The following SEMA6D variants were observed in gnomAD, a reference collection of about 807,000 sequenced individuals.
SEMA6D encodes semaphorin-6D.
Under a neutral mutation model 106.6 loss-of-function variants are expected in SEMA6D, and 35 were observed. That is an observed-to-expected ratio of 0.33 (90% CI 0.25 to 0.44). The LOEUF is 0.44. Ranked by LOEUF, SEMA6D falls within the 20% of genes least tolerant of loss-of-function variation. The pLI is 1.00. For synonymous variants in SEMA6D, 499 were observed against 487.7 expected, an observed-to-expected ratio of 1.02 and a Z score of -0.31; for missense variants, 1,185 against 1,345.9, an observed-to-expected ratio of 0.88 and a Z score of 1.87.
At chr15:47,290,921 C>T (rs1452796129) in intron 1 of SEMA6D, among the ~76,000 whole-genome samples, 3 of 152,152 alleles carry the variant, frequency 2.0e-5, no homozygotes, top group Non-Finnish European at 4.4e-5. Flanking sequence ...AATTCAGGTT[C>T]CTCTACAAAG....
chr15:47,198,293 T>C lies in SEMA6D; in HGVS notation c.-239+13875T>C, dbSNP rs572594458. ...TGGTGACGATAGTTAATATACTGAA[T>C]TCTTGAAAATTGCTGTGGGCGGATT... On this transcript the variant is annotated intron_variant, in intron 1 of 19. Coordinates refer to the SEMA6D transcript ENST00000558014. Among the ~76,000 whole-genome samples the C allele has an allele frequency of 1.6e-4, 25 of 152,262 alleles. 1 individual carries two copies. In the South Asian group the frequency reaches 5.0e-3, roughly 30 times the overall value.
chr15:47,485,165 A>G (rs1042894587), intron 3 of SEMA6D, among the ~76,000 whole-genome samples: 1 of 152,218 alleles, frequency 6.6e-6, no homozygotes, highest in Non-Finnish European at 1.5e-5. Flanking sequence ...TTGTGTCACT[A>G]TGACTAAACG....
chr15:47,258,268 T>C (rs2033907435), intron 1 of SEMA6D, among the ~76,000 whole-genome samples: 1 of 152,224 alleles, frequency 6.6e-6, no homozygotes, highest in South Asian at 2.1e-4. Context: ...ATTATTAATA[T>C]GTTAGAACCG....
chr15:47,229,365 G>A (rs1285090992), intron 1 of SEMA6D, among the ~76,000 whole-genome samples: 1 of 151,914 alleles, frequency 6.6e-6, no homozygotes, highest in Admixed American at 6.6e-5. Flanking sequence ...GGTGTGCTAT[G>A]CTTTTAGGTC....
At chr15:47,247,647 C>G (rs1488273192) in intron 1 of SEMA6D, among the ~76,000 whole-genome samples, 1 of 152,174 alleles carries the variant, frequency 6.6e-6, no homozygotes, top group African/African-American at 2.4e-5. Flanking sequence ...TTCTATAAAT[C>G]CATGAATACT....
At chr15:47,591,540 G>C (rs1006009942) in intron 3 of SEMA6D, among the ~76,000 whole-genome samples, 1 of 152,142 alleles carries the variant, frequency 6.6e-6, no homozygotes, top group Admixed American at 6.5e-5. Context: ...TTCCCCCAGA[G>C]CAAGTGTTCC....
intron 3 of SEMA6D, among the ~76,000 whole-genome samples, chr15:47,507,905 G>A (rs747973817): frequency 6.6e-6 from 1 of 152,106 alleles, no homozygotes; most frequent in Non-Finnish European, 1.5e-5. Flanking sequence ...AAGTACCTTC[G>A]GGCTACAGAT....
chr15:47,285,998 C>T (rs1336569994), intron 1 of SEMA6D, among the ~76,000 whole-genome samples: 1 of 152,144 alleles, frequency 6.6e-6, no homozygotes, highest in Non-Finnish European at 1.5e-5. Flanking sequence ...TAAGAACAAC[C>T]AAGCTAGGCT....
rs115841293 is a variant in SEMA6D at position 47,694,937 on chromosome 15, G to A, written c.-54-64808G>A. On this transcript the variant is annotated intron_variant, in intron 4 of 19. Transcript: ENST00000558014. ...TATGCTGGTACCAAGGAGAGGATCCGAAGCCCTGAACACCATAGGCATGTG... is the reference window on the plus strand; with the variant it reads ...TATGCTGGTACCAAGGAGAGGATCCAAAGCCCTGAACACCATAGGCATGTG... Among the ~76,000 whole-genome samples the A allele has an allele frequency of 6.6e-3, 1,007 of 152,248 alleles. 5 individuals carry two copies. The highest frequency in any genetic ancestry group is 0.023 in the African/African-American group (967 of 41,560).
upstream of SEMA6D, among the ~76,000 whole-genome samples, chr15:47,713,469 A>G (rs1439335): frequency 0.013 from 2,050 of 152,332 alleles, 41 homozygotes; most frequent in African/African-American, 0.044. Flanking sequence ...AGCTGTGCCT[A>G]TGCAGATGCC....
intron 4 of SEMA6D, among the ~76,000 whole-genome samples, chr15:47,703,111 C>T (rs1327871938): frequency 6.6e-6 from 1 of 152,126 alleles, no homozygotes; most frequent in Admixed American, 6.6e-5. Flanking sequence ...TTTCAAATTT[C>T]CACGTACGAC....
At chr15:47,261,171 C>A (rs563799880) in intron 1 of SEMA6D, among the ~76,000 whole-genome samples, 1 of 152,168 alleles carries the variant, frequency 6.6e-6, no homozygotes, top group African/African-American at 2.4e-5. Flanking sequence ...TTTTACTAAC[C>A]GAGTTTTGCC....
intron 1 of SEMA6D, among the ~76,000 whole-genome samples, chr15:47,298,670 G>A (rs967207682): frequency 5.9e-5 from 9 of 152,144 alleles, no homozygotes; most frequent in African/African-American, 2.2e-4. Context: ...GGTGGTGAGA[G>A]TGCCAGTTTA....
chr15:47,193,464 C>G (rs1894106008), intron 1 of SEMA6D, among the ~76,000 whole-genome samples: 1 of 152,098 alleles, frequency 6.6e-6, no homozygotes, highest in Admixed American at 6.5e-5. Flanking sequence ...ATCTGAAACA[C>G]TTGTAATCTC....
intron 1 of SEMA6D, among the ~76,000 whole-genome samples, chr15:47,410,719 C>G (rs2040764398): frequency 6.6e-6 from 1 of 152,120 alleles, no homozygotes. Context: ...GATTCAGAAT[C>G]TTTAGGAAGT....
intron 1 of SEMA6D, among the ~76,000 whole-genome samples, chr15:47,226,883 G>A (rs1478830274): frequency 1.3e-5 from 2 of 152,066 alleles, no homozygotes; most frequent in East Asian, 3.9e-4. Flanking sequence ...CAGATATTAC[G>A]CCAGCTTCTT....
intron 1 of SEMA6D, among the ~76,000 whole-genome samples, chr15:47,348,846 A>G (rs2038195316): frequency 6.6e-6 from 1 of 151,920 alleles, no homozygotes; most frequent in South Asian, 2.1e-4. Context: ...AGAGGAGTGA[A>G]TATTTAGGTA....
At chr15:47,272,959 G>C (rs1342642089) in intron 1 of SEMA6D, 2 of 152,178 alleles carry the variant, frequency 1.3e-5, no homozygotes, top group African/African-American at 4.8e-5. Context: ...AATTTCACCT[G>C]TAATACCTGT....
At position 47,525,285 on chromosome 15, in the gene SEMA6D, C is replaced by A. The variant is rs1350656274; in HGVS notation, c.-87+54740C>A. On this transcript the variant is annotated intron_variant, in intron 3 of 19. Transcript: ENST00000558014. ...GAAGATGGCCTAAAATCACCATGGG[C>A]CTTTTATGGAAACATAGCTATGCTT... The A allele has an allele frequency of 2.6e-5, 4 of 152,276 alleles. No homozygotes were observed. The South Asian group carries it at 6.2e-4, about 24-fold the overall frequency. The allele number at this position is 152,276 out of a possible 1,614,324, so 9.4% of individuals were successfully genotyped here. A position where few individuals can be genotyped will look rare whatever the true frequency, so the allele number is the denominator to read the frequency against.
Sources: gnomAD v4.1 joint callset for allele counts (sites outside exome capture counted in the v4.1 genomes callset) on GRCh38, gnomAD v4.1.1 for gene constraint, MANE v1.5 for transcripts, NCBI Gene and HGNC (gene_info 2026-07-23, HGNC 2026-07-21) for gene names.